FAM204A: variants seen among roughly 807,000 people sequenced by gnomAD.
FAM204A encodes protein FAM204A.
Under a neutral mutation model 35.4 loss-of-function variants are expected in FAM204A, and 16 were observed. The observed-to-expected ratio is 0.45, with a 90% confidence interval of 0.31 to 0.69. The LOEUF (loss-of-function observed/expected upper bound fraction) is 0.69, where lower values mean the gene tolerates loss of function less well. Ranked by LOEUF, FAM204A falls within the 30% of genes least tolerant of loss-of-function variation. The pLI is 0.07. For missense variants in FAM204A, 240 were observed against 265.7 expected (o/e 0.90, Z 0.67); for synonymous variants, 76 against 86.9 (o/e 0.88, Z 0.70).
At chr10:118,328,653 C>T (rs994849019) in intron 6 of FAM204A, among the ~76,000 whole-genome samples, 27 of 152,178 alleles carry the variant, frequency 1.8e-4, no homozygotes, top group African/African-American at 6.5e-4. Flanking sequence ...CCACCATGCC[C>T]AGCTAATTTT....
At chr10:118,339,773 T>C (rs964942332) in intron 2 of FAM204A, among the ~76,000 whole-genome samples, 6 of 138,318 alleles carry the variant, frequency 4.3e-5, no homozygotes, top group African/African-American at 1.3e-4. Flanking sequence ...ACCTCTAGAG[T>C]TAAGATTTAT....
At chr10:118,331,965 G>A (rs867708103) in intron 6 of FAM204A, among the ~76,000 whole-genome samples, 1 of 150,682 alleles carries the variant, frequency 6.6e-6, no homozygotes, top group African/African-American at 2.4e-5. Context: ...CACAAGGTCA[G>A]GAGTTTGAGA....
rs939899287 is a variant in FAM204A, at chr10:118,309,313, T to C, written c.*1544A>G. 6.6e-6 allele frequency: 1 copy of C among 152,174 alleles called. No individual in the cohort carries two copies. Among genetic ancestry groups the C allele is most frequent in the Non-Finnish European group, 1.5e-5 (1 of 68,032 alleles). 9.4% of individuals were successfully genotyped at this position (152,174 alleles called of 1,614,324 possible). On this transcript the variant is annotated 3_prime_UTR_variant, in exon 9 of 9. Coordinates refer to ENST00000369183, the MANE Select transcript of FAM204A (RefSeq NM_022063.3). The stretch of plus-strand genomic sequence containing the variant: ...CTTAAATAGTAGCTAGGTATTCTCT[T>C]ATTCCAGAACACAGAAAAAAAAAGC...
At chr10:118,328,819 T>C (rs1275044743) in intron 6 of FAM204A, among the ~76,000 whole-genome samples, 2 of 152,086 alleles carry the variant, frequency 1.3e-5, no homozygotes, top group Non-Finnish European at 2.9e-5. Flanking sequence ...CTACCCACTA[T>C]CTCCTCTGGT....
At chr10:118,339,493 C>T (rs236195) in intron 2 of FAM204A, among the ~76,000 whole-genome samples, 13,222 of 152,180 alleles carry the variant, frequency 0.087, 651 homozygotes, top group African/African-American at 0.13. Flanking sequence ...CAGATAATCC[C>T]AAGTTACCCT....
chr10:118,318,212 AAAGT>A (rs1846060151), intron 7 of FAM204A, among the ~76,000 whole-genome samples: 1 of 152,064 alleles, frequency 6.6e-6, no homozygotes, highest in South Asian at 2.1e-4. Context: ...AACAAAAGAA[AAAGT>A]AAGGGACAGA....
chr10:118,337,255 T>G (rs917527018), intron 2 of FAM204A: 10 of 984,944 alleles, frequency 1.0e-5, no homozygotes, highest in Admixed American at 6.1e-5. Flanking sequence ...CACAGTCTAT[T>G]TTAGCACATA....
chr10:118,331,485 T>A (rs1564762178), intron 6 of FAM204A, among the ~76,000 whole-genome samples: 1 of 152,218 alleles, frequency 6.6e-6, no homozygotes, highest in African/African-American at 2.4e-5. Flanking sequence ...TTAATATAGA[T>A]GTCAAGAAGA....
intron 6 of FAM204A, among the ~76,000 whole-genome samples, chr10:118,327,453 T>C (rs909803761): frequency 3.3e-5 from 5 of 152,212 alleles, no homozygotes; most frequent in Non-Finnish European, 7.3e-5. Context: ...CTTTTCTGCT[T>C]GCTTTCCTGT....
Position 118,311,261 on chromosome 10 carries a change from T to C in FAM204A, c.596A>G (p.Lys199Arg), listed in dbSNP as rs771856120. 5.0e-6 allele frequency: 8 copies of C among 1,612,532 alleles called. No homozygotes were observed. The South Asian group carries it at 7.7e-5, about 16-fold the overall frequency. The change falls in exon 8 of 9, where the codon AAA (lysine) becomes AGA (arginine). Residue 199 changes from lysine (K) to arginine (R), a missense_variant. Physicochemically the swap from Lys to Arg is conservative, Grantham distance 26. Around this residue, in one of 2 missense-constraint regions of FAM204A, gnomAD observed 232 missense variants for 242.8 expected, o/e 0.96. Coordinates refer to ENST00000369183, the MANE Select transcript of FAM204A (RefSeq NM_022063.3). ...AGCCTGTGAATTTTCAACCTCCTTT[T>C]TGGCTTTTACAAAGTTGTGGCAGGC... Reference protein sequence around the residue: ...AVACHNFVKAKKEVENSQAAR... With the variant: ...AVACHNFVKARKEVENSQAAR...
At chr10:118,311,373 T>C (rs1179782659) in intron 7 of FAM204A, 60 bp from the exon 8 acceptor site, 1 of 1,283,688 alleles carries the variant, frequency 7.8e-7, no homozygotes, top group African/African-American at 1.5e-5. Flanking sequence ...ATACAGTAAT[T>C]ACACTTATAC....
In FAM204A at chr10:118,300,143, G is replaced by C. The variant is rs1845793404; in HGVS notation, c.*10714C>G. On this transcript the variant is annotated 3_prime_UTR_variant, in exon 9 of 9. Coordinates refer to ENST00000369183, the MANE Select transcript of FAM204A (RefSeq NM_022063.3). ...TAAGCAGGGTCCTCTAGAAGGAAAA[G>C]TTCAGGTGGTTTCTGAACCACGGAA... The C allele has an allele frequency of 6.6e-6, 1 of 152,156 alleles. No homozygotes were observed. The highest frequency in any genetic ancestry group is 1.5e-5 in the Non-Finnish European group (1 of 68,040). The allele number at this position is 152,156 out of a possible 1,614,324, so 9.4% of individuals were successfully genotyped here. A position where few individuals can be genotyped will look rare whatever the true frequency, so the allele number is the denominator to read the frequency against.
intron 7 of FAM204A, among the ~76,000 whole-genome samples, chr10:118,316,204 G>A (rs1012936894): frequency 2.6e-5 from 4 of 152,042 alleles, no homozygotes; most frequent in South Asian, 2.1e-4. Flanking sequence ...AATAACTTTC[G>A]AAACTCTGCA....
In FAM204A at chr10:118,337,417, A is replaced by AAAAC. The variant is rs551526738; in HGVS notation, c.-8-998_-8-995dup. On this transcript the variant is annotated intron_variant, in intron 2 of 8. Transcript: ENST00000369183. ...CCCATATTGTGATTAACCTAGTTAA[A>AAAAC]AAACAAACAAACAAACAAAAGAAAC... Among the ~76,000 whole-genome samples, 8 of 152,342 alleles carry AAAAC rather than the reference A, an allele frequency of 5.3e-5. No individual in the cohort carries two copies. The East Asian group carries it at 1.5e-3, about 29-fold the overall frequency.
intron 6 of FAM204A, 43 bp downstream of exon 6, chr10:118,335,071 A>G (rs2133291266): frequency 7.1e-7 from 1 of 1,409,018 alleles, no homozygotes; most frequent in Non-Finnish European, 1.0e-6. Context: ...AATCACAAAC[A>G]TATCCTACTA....
intron 6 of FAM204A, among the ~76,000 whole-genome samples, chr10:118,328,494 G>GT (rs35224218): frequency 0.44 from 60,228 of 137,550 alleles, 13,908 homozygotes; most frequent in Middle Eastern, 0.6. Flanking sequence ...TATGTCAACT[G>GT]TTTTTTTTTT....
intron 7 of FAM204A, 77 bp from the exon 8 acceptor site, chr10:118,311,390 T>C: frequency 8.6e-7 from 1 of 1,162,550 alleles, no homozygotes; most frequent in Non-Finnish European, 1.2e-6. Context: ...ATACAAATAA[T>C]TGAGAACTTG....
intron 7 of FAM204A, among the ~76,000 whole-genome samples, chr10:118,314,320 G>T (rs1480081353): frequency 6.6e-6 from 1 of 152,142 alleles, no homozygotes; most frequent in Non-Finnish European, 1.5e-5. Context: ...AGCAAACCTG[G>T]TCTATGTATT....
In FAM204A at chr10:118,336,314, T is replaced by C; in HGVS notation, c.102A>G (p.Glu34=). 3 of 1,614,048 alleles carry C rather than the reference T, an allele frequency of 1.9e-6. No individual in the cohort carries two copies. Among genetic ancestry groups the C allele is most frequent in the Non-Finnish European group, 2.5e-6 (3 of 1,179,894 alleles). The change falls in exon 3 of 9, where the codon GAA becomes GAG. Residue 34 remains glutamate (E), a synonymous_variant. Coordinates refer to ENST00000369183, the MANE Select transcript of FAM204A (RefSeq NM_022063.3). ...TTCTGATGCTCTCATCCTCTTTATC[T>C]TCCTGTAAGTTAAGTCCAGAGTTCT... ...TLENSGLNLQ[E]DKEDESIRKT... is the part of the protein sequence containing the mutation.
Sources: allele counts gnomAD v4.1 joint callset (sites outside exome capture counted in the v4.1 genomes callset), GRCh38; gene constraint gnomAD v4.1.1; regional missense constraint gnomAD v4.1.1; transcripts MANE v1.5; gene names NCBI Gene and HGNC (gene_info 2026-07-23, HGNC 2026-07-21).